Variants in CMIP observed in about 807,000 individuals in gnomAD.
CMIP encodes the protein c-Maf inducing protein, also known as C-Maf-inducing protein.
CMIP carries 13 observed loss-of-function variants against 97.3 expected under a neutral mutation model. The observed-to-expected ratio is 0.13, with a 90% CI of 0.09 to 0.21. The LOEUF (loss-of-function observed/expected upper bound fraction) is 0.21, where lower values mean the gene tolerates loss of function less well. Among genes scored for constraint, CMIP ranks in the 10% least tolerant of loss-of-function variants. The pLI, the probability that CMIP is intolerant of heterozygous loss-of-function variation, is 1.00. For missense variants in CMIP, 847 were observed against 1,024.9 expected (o/e 0.83, Z 2.37); for synonymous variants, 538 against 436.3 (o/e 1.23, Z -2.91).
intron 1 of CMIP, among the ~76,000 whole-genome samples, chr16:81,514,029 AAAC>A (rs1386849430): frequency 7.5e-6 from 1 of 132,706 alleles, no homozygotes; most frequent in African/African-American, 3.1e-5. Context: ...TTTAAAAGAA[AAAC>A]AACAAAAACA....
rs889924964 is a variant in CMIP, at chr16:81,709,950, T to C, written c.*151T>C. On this transcript the variant is annotated 3_prime_UTR_variant, in exon 21 of 21. Coordinates refer to ENST00000537098, the MANE Select transcript of CMIP (RefSeq NM_198390.3). ...TTCTGGGGGCGGAGGGGGGAGGGGGTGGGGAGGGGGCCCACAAGCACGCCC... is the reference window on the plus strand; with the variant it reads ...TTCTGGGGGCGGAGGGGGGAGGGGGCGGGGAGGGGGCCCACAAGCACGCCC... 1 of 21,168 alleles carries C rather than the reference T, an allele frequency of 4.7e-5. No homozygotes were observed. Among genetic ancestry groups the C allele is most frequent in the East Asian group, 1.6e-3 (1 of 614 alleles). The allele number at this position is 21,168 out of a possible 1,614,324, so 1.3% of individuals were successfully genotyped here.
intron 4 of CMIP, among the ~76,000 whole-genome samples, chr16:81,656,042 A>T (rs771943642): frequency 1.1e-4 from 16 of 152,060 alleles, no homozygotes; most frequent in Non-Finnish European, 1.6e-4. Flanking sequence ...CTCAAACTCC[A>T]CTCATATCCA....
intron 2 of CMIP, among the ~76,000 whole-genome samples, chr16:81,615,488 G>C (rs1597150110): frequency 6.7e-6 from 1 of 149,774 alleles, no homozygotes; most frequent in South Asian, 2.1e-4. Flanking sequence ...TGTGTGGTGT[G>C]TGTGTGTGGT....
chr16:81,676,219 G>C (rs1450709368), intron 9 of CMIP, among the ~76,000 whole-genome samples: 1 of 152,196 alleles, frequency 6.6e-6, no homozygotes, highest in East Asian at 1.9e-4. Flanking sequence ...GCCCACAGTA[G>C]CCTGGGTTCC....
At chr16:81,622,191 C>T (rs777881882) in intron 3 of CMIP, 17 of 152,166 alleles carry the variant, frequency 1.1e-4, no homozygotes, top group Admixed American at 9.2e-4. Flanking sequence ...AGTCCAAGCT[C>T]CCATCGTTAG....
chr16:81,462,161 G>T (rs894356882), intron 1 of CMIP, among the ~76,000 whole-genome samples: 38 of 152,094 alleles, frequency 2.5e-4, no homozygotes, highest in Non-Finnish European at 4.6e-4. Context: ...CCATTCTTGT[G>T]TCTGGGTGGA....
rs369737779 is a variant in CMIP, at chr16:81,653,819, G to T, written c.639+1455G>T. 2.0e-3 allele frequency among the ~76,000 whole-genome samples: 306 copies of T among 152,264 alleles called. 11 individuals are homozygous for T. In the South Asian group the frequency reaches 0.06, roughly 30 times the overall value. On this transcript the variant is annotated intron_variant, in intron 4 of 20. Transcript: ENST00000537098. ...GTAGAGACAAGGTTTCACCGTGTTG[G>T]CCAGGCTGGTCTTGAACTCCTGACT...
chr16:81,637,771 G>A (rs1362322968), intron 3 of CMIP, among the ~76,000 whole-genome samples: 1 of 132,426 alleles, frequency 7.6e-6, no homozygotes, highest in Non-Finnish European at 1.8e-5. Flanking sequence ...GGCATGCTGA[G>A]CATGGGGCTG....
intron 1 of CMIP, among the ~76,000 whole-genome samples, chr16:81,582,660 C>A (rs1334759276): frequency 2.6e-5 from 4 of 152,082 alleles, no homozygotes; most frequent in African/African-American, 9.7e-5. Context: ...GTGGCTGCCA[C>A]ACTCTAACTC....
intron 1 of CMIP, among the ~76,000 whole-genome samples, chr16:81,479,641 CT>C (rs1013158465): frequency 6.6e-6 from 1 of 151,896 alleles, no homozygotes; most frequent in Middle Eastern, 3.2e-3. Flanking sequence ...TATTATTTTG[CT>C]TTTTTTGTTG....
intron 1 of CMIP, among the ~76,000 whole-genome samples, chr16:81,556,102 C>G (rs2090758083): frequency 6.6e-6 from 1 of 152,168 alleles, no homozygotes; most frequent in Non-Finnish European, 1.5e-5. Flanking sequence ...TATTTGTTCT[C>G]TCAGAGTTTC....
intron 1 of CMIP, among the ~76,000 whole-genome samples, chr16:81,602,580 C>T (rs2091675853): frequency 6.6e-6 from 1 of 152,232 alleles, no homozygotes; most frequent in African/African-American, 2.4e-5. Context: ...AGTCCCCCTG[C>T]CCCTCGCCCG....
chr16:81,452,718 T>G (rs1403962847), intron 1 of CMIP, among the ~76,000 whole-genome samples: 1 of 152,168 alleles, frequency 6.6e-6, no homozygotes, highest in East Asian at 1.9e-4. Context: ...GTTCTATGAT[T>G]GTCAGTTTCC....
intron 20 of CMIP, among the ~76,000 whole-genome samples, chr16:81,708,383 G>C (rs990348838): frequency 6.6e-6 from 1 of 152,228 alleles, no homozygotes; most frequent in African/African-American, 2.4e-5. Context: ...GCACACTCGT[G>C]TTTGAGAAAT....
At chr16:81,623,448 A>C (rs1322839468) in intron 3 of CMIP, among the ~76,000 whole-genome samples, 1 of 152,230 alleles carries the variant, frequency 6.6e-6, no homozygotes, top group Admixed American at 6.5e-5. Context: ...CCCACTTGCC[A>C]GGTGATCAAT....
intron 1 of CMIP, among the ~76,000 whole-genome samples, chr16:81,556,549 G>A (rs2090768068): frequency 1.3e-5 from 2 of 152,188 alleles, no homozygotes; most frequent in Admixed American, 1.3e-4. Context: ...GCATGAGGCA[G>A]TGTCTCCAGA....
intron 2 of CMIP, among the ~76,000 whole-genome samples, chr16:81,612,127 G>A (rs559150199): frequency 5.1e-4 from 78 of 152,338 alleles, no homozygotes; most frequent in African/African-American, 1.7e-3. Flanking sequence ...TCATGAAAAC[G>A]TCCTGAAGGT....
Position 81,543,712 on chromosome 16 carries a change from G to A in CMIP, c.301-63855G>A, listed in dbSNP as rs80056204. ...GAACAGTGCCTGGCTTCTATATCAGGCCTAACAAAGGATGGGGATTTAATT... is the reference window on the plus strand; with the variant it reads ...GAACAGTGCCTGGCTTCTATATCAGACCTAACAAAGGATGGGGATTTAATT... On this transcript the variant is annotated intron_variant, in intron 1 of 20. Coordinates refer to ENST00000537098, the MANE Select transcript of CMIP (RefSeq NM_198390.3). Among the ~76,000 whole-genome samples, 11 of 152,224 alleles carry A rather than the reference G, an allele frequency of 7.2e-5. No individual in the cohort carries two copies. The East Asian group carries it at 2.1e-3, about 29-fold the overall frequency.
At chr16:81,587,090 C>G (rs984848509) in intron 1 of CMIP, among the ~76,000 whole-genome samples, 6 of 152,118 alleles carry the variant, frequency 3.9e-5, no homozygotes, top group African/African-American at 1.4e-4. Flanking sequence ...CAGTGTGATT[C>G]CCTAATAGCA....
Sources: gnomAD v4.1 joint callset for allele counts (sites outside exome capture counted in the v4.1 genomes callset) on GRCh38, gnomAD v4.1.1 for gene constraint, MANE v1.5 for transcripts, NCBI Gene and HGNC (gene_info 2026-07-23, HGNC 2026-07-21) for gene names.